Variants in EDRF1 observed in about 807,000 individuals in gnomAD.
EDRF1 encodes erythroid differentiation-related factor 1.
In EDRF1, 69 loss-of-function variants were observed where a neutral mutation model predicts 148.7. The ratio of observed to expected loss-of-function variants is 0.46; its 90% confidence interval spans 0.38 to 0.57. The LOEUF is 0.57. Ranked by LOEUF, EDRF1 falls within the 20% of genes least tolerant of loss-of-function variation. The probability of loss-of-function intolerance (pLI) is 0.00; values close to 1 mark genes in which losing one functional copy is unlikely to be tolerated. For missense variants in EDRF1, 1,118 were observed against 1,478.7 expected, an observed-to-expected ratio of 0.76 and a Z score of 4.00; for synonymous variants, 515 against 532.8, an observed-to-expected ratio of 0.97 and a Z score of 0.46.
At chr10:125,739,747 A>G (rs950808547) in intron 15 of EDRF1, among the ~76,000 whole-genome samples, 3 of 152,130 alleles carry the variant, frequency 2.0e-5, no homozygotes, top group Non-Finnish European at 2.9e-5. Context: ...GCAGAGCAAA[A>G]TTTTCCACAG....
At chr10:125,729,292 T>C in intron 7 of EDRF1, 66 bp from the exon 8 acceptor site, 2 of 1,588,002 alleles carry the variant, frequency 1.3e-6, no homozygotes, top group South Asian at 2.2e-5. Context: ...TCTAGTCTTT[T>C]TATGGATCAT....
intron 6 of EDRF1, among the ~76,000 whole-genome samples, chr10:125,726,884 T>C (rs567586176): frequency 1.2e-4 from 19 of 152,306 alleles, no homozygotes; most frequent in Middle Eastern, 3.4e-3. Context: ...CTATTACCCA[T>C]GTCACCCATC....
chr10:125,730,761 G>T (rs180679329), intron 9 of EDRF1, among the ~76,000 whole-genome samples: 2 of 152,282 alleles, frequency 1.3e-5, no homozygotes, highest in Non-Finnish European at 2.9e-5. Context: ...TTAGGGAAAG[G>T]TCTTGTAAAA....
chr10:125,743,409 T>C (rs1404605025), intron 18 of EDRF1, 133 bp downstream of exon 18: 50 of 713,942 alleles, frequency 7.0e-5, no homozygotes, highest in Middle Eastern at 7.6e-4. Flanking sequence ...GAACCTCTTA[T>C]TATTCTTAAG....
intron 21 of EDRF1, 146 bp downstream of exon 21, chr10:125,748,158 T>C (rs2133744283): frequency 1.1e-6 from 1 of 918,658 alleles, no homozygotes; most frequent in Non-Finnish European, 1.7e-6. Flanking sequence ...CGTCTGTGCC[T>C]TTTTTTGTGC....
chr10:125,753,392 G>A (rs976253495), intron 23 of EDRF1, among the ~76,000 whole-genome samples: 5 of 152,060 alleles, frequency 3.3e-5, no homozygotes, highest in Non-Finnish European at 5.9e-5. Context: ...CCCATGTTGC[G>A]CCCACCTATT....
At chr10:125,760,142 G>A (rs1001571993) in intron 24 of EDRF1, among the ~76,000 whole-genome samples, 3 of 152,212 alleles carry the variant, frequency 2.0e-5, no homozygotes, top group African/African-American at 7.2e-5. Context: ...AGCAGATACT[G>A]CATATGGTAA....
intron 6 of EDRF1, among the ~76,000 whole-genome samples, 191 bp downstream of exon 6, chr10:125,726,029 A>G (rs112186062): frequency 0.012 from 1,884 of 152,256 alleles, 40 homozygotes; most frequent in African/African-American, 0.043. Flanking sequence ...TAGAATTTAC[A>G]AGAGCTATTA....
intron 13 of EDRF1, among the ~76,000 whole-genome samples, chr10:125,737,192 C>T (rs771191574): frequency 2.0e-5 from 3 of 152,082 alleles, no homozygotes; most frequent in African/African-American, 4.8e-5. Flanking sequence ...CATGGACTTA[C>T]GGGGCAATTA....
intron 1 of EDRF1, among the ~76,000 whole-genome samples, chr10:125,720,293 G>C (rs551361737): frequency 6.6e-6 from 1 of 152,288 alleles, no homozygotes; most frequent in African/African-American, 2.4e-5. Flanking sequence ...CTGCGTGAAA[G>C]GTTAGAATAT....
intron 14 of EDRF1, 81 bp from the exon 15 acceptor site, chr10:125,738,214 G>A (rs1848834027): frequency 1.3e-6 from 2 of 1,542,978 alleles, no homozygotes; most frequent in South Asian, 1.1e-5. Context: ...AACGTATTCA[G>A]TAGTCCAGAT....
chr10:125,749,647 C>G, intron 22 of EDRF1, 82 bp downstream of exon 22: 1 of 1,488,662 alleles, frequency 6.7e-7, no homozygotes, highest in South Asian at 1.1e-5. Context: ...GCCTGTGAAT[C>G]TAAATAATAC....
At chr10:125,724,796 A>G (rs1848174415) in intron 4 of EDRF1, among the ~76,000 whole-genome samples, 1 of 152,234 alleles carries the variant, frequency 6.6e-6, no homozygotes, top group Non-Finnish European at 1.5e-5. Flanking sequence ...TTGGGCTGGC[A>G]AGAAATAGTT....
chr10:125,758,954 T>C (rs1048552927), intron 24 of EDRF1, among the ~76,000 whole-genome samples: 8 of 152,150 alleles, frequency 5.3e-5, no homozygotes, highest in African/African-American at 1.9e-4. Flanking sequence ...TCATTGACTT[T>C]AACCAACGCC....
At chr10:125,744,583 G>T (rs1285952250) in intron 18 of EDRF1, 1 of 152,348 alleles carries the variant, frequency 6.6e-6, no homozygotes, top group Non-Finnish European at 1.5e-5. Flanking sequence ...CATTTACGGT[G>T]CATCTGGAGG....
chr10:125,736,499 T>C (rs957442572), intron 13 of EDRF1, among the ~76,000 whole-genome samples: 1 of 152,112 alleles, frequency 6.6e-6, no homozygotes, highest in Non-Finnish European at 1.5e-5. Context: ...TATGATTAGA[T>C]CCAGGCCAGC....
At chr10:125,742,461 T>C (rs1279755026) in intron 17 of EDRF1, 1 of 1,038,660 alleles carries the variant, frequency 9.6e-7, no homozygotes, top group Non-Finnish European at 1.2e-6. Context: ...AGGAGTATAC[T>C]GGGGGAGAGG....
At position 125,745,931 on chromosome 10, in the gene EDRF1, G is replaced by GTAAC; in HGVS notation, c.2814+2_2814+5dup. 1 of 1,613,908 alleles carries GTAAC rather than the reference G, an allele frequency of 6.2e-7. No individual in the cohort carries two copies. The highest frequency in any genetic ancestry group is 8.5e-7 in the Non-Finnish European group (1 of 1,179,916). ...AGAAGAAGGCTTGTATTATAATAAG[G>GTAAC]TAACACATTCGCGTACATGTTGGGC... On this transcript the variant is annotated splice_donor_variant, in intron 19 of 24. Coordinates refer to ENST00000356792, the MANE Select transcript of EDRF1 (RefSeq NM_001202438.2). LOFTEE classifies it high-confidence loss of function.
rs1031952194 is a variant in EDRF1, at chr10:125,742,603, A to T, written c.2372-455A>T. 16 of 985,294 alleles carry T rather than the reference A, an allele frequency of 1.6e-5. No homozygotes were observed. In the Admixed American group the frequency reaches 7.4e-4, roughly 45 times the overall value. 61.0% of individuals were successfully genotyped at this position (985,294 alleles called of 1,614,324 possible). ...TACTCCCATCATAGCAATTTCAGTT[A>T]AATATTCTTTTTACTCTAGTCCCCA... On this transcript the variant is annotated intron_variant, in intron 17 of 24. Coordinates refer to ENST00000356792, the MANE Select transcript of EDRF1 (RefSeq NM_001202438.2).
Sources: gnomAD v4.1 joint callset for allele counts (sites outside exome capture counted in the v4.1 genomes callset) on GRCh38, gnomAD v4.1.1 for gene constraint, MANE v1.5 for transcripts, NCBI Gene and HGNC (gene_info 2026-07-23, HGNC 2026-07-21) for gene names.